The following ADAM12 variants were observed in gnomAD, a reference collection of about 807,000 sequenced individuals.
ADAM12 encodes the protein disintegrin and metalloproteinase domain-containing protein 12.
In ADAM12, 70 loss-of-function variants were observed where a neutral mutation model predicts 106.4. The observed-to-expected ratio is 0.66, with a 90% CI of 0.54 to 0.80. The LOEUF (loss-of-function observed/expected upper bound fraction) is 0.80, where lower values mean the gene tolerates loss of function less well. Among genes scored for constraint, ADAM12 ranks in the 30% least tolerant of loss-of-function variants. The pLI is 0.00. For missense variants in ADAM12, 1,010 were observed against 1,171.9 expected (o/e 0.86, Z 2.02); for synonymous variants, 420 against 433.5 (o/e 0.97, Z 0.39).
At position 126,014,309 on chromosome 10, in the gene ADAM12, GC is replaced by G. The variant is rs1349692195; in HGVS notation, c.*2969del. The stretch of plus-strand genomic sequence containing the variant: ...TTAAGAACATTTTGACACAGTTTTA[GC>G]CGGTTTTTTTTTTTTTTTTTTTTTT... On this transcript the variant is annotated 3_prime_UTR_variant, in exon 23 of 23. Coordinates refer to ENST00000448723, the MANE Select transcript of ADAM12 (RefSeq NM_001288973.2). 9.1e-6 allele frequency: 1 copy of G among 110,462 alleles called. No individual in the cohort carries two copies. Among genetic ancestry groups the G allele is most frequent in the African/African-American group, 3.4e-5 (1 of 29,276 alleles). The allele number at this position is 110,462 out of a possible 1,614,324, so 6.8% of individuals were successfully genotyped here.
At chr10:126,254,674 G>A (rs533292586) in intron 3 of ADAM12, among the ~76,000 whole-genome samples, 1 of 152,228 alleles carries the variant, frequency 6.6e-6, no homozygotes, top group Non-Finnish European at 1.5e-5. Context: ...CATCCATGGA[G>A]CCACCACCGT....
chr10:126,255,391 G>A lies in ADAM12; in HGVS notation c.260+23524C>T, dbSNP rs191544664. 3.2e-4 allele frequency among the ~76,000 whole-genome samples: 48 copies of A among 152,076 alleles called. No individual in the cohort carries two copies. The East Asian group carries it at 5.8e-3, about 18-fold the overall frequency. ...AGATGGTGTCCCGAGTCCAGCTCTC[G>A]TTCGCATTCAGTCCCAGCTTCCTCC... On this transcript the variant is annotated intron_variant, in intron 3 of 22. Transcript: ENST00000448723.
rs539476618 is a variant in ADAM12 at position 126,275,691 on chromosome 10, C to A, written c.260+3224G>T. Among the ~76,000 whole-genome samples, 120 of 152,252 alleles carry A rather than the reference C, an allele frequency of 7.9e-4. 1 individual carries two copies. Among genetic ancestry groups the A allele is most frequent in the African/African-American group, 2.8e-3 (116 of 41,558 alleles). ...GATATTTTTTGCTCTTTAAAAGTCA[C>A]CAGAGGCCTTCCAGAGGCCTCTCAA... On this transcript the variant is annotated intron_variant, in intron 3 of 22. Coordinates refer to ENST00000448723, the MANE Select transcript of ADAM12 (RefSeq NM_001288973.2).
At chr10:126,368,688 G>A (rs936336626) in intron 1 of ADAM12, among the ~76,000 whole-genome samples, 3 of 151,812 alleles carry the variant, frequency 2.0e-5, no homozygotes, top group Non-Finnish European at 4.4e-5. Context: ...GTTGCAGAAG[G>A]TGAGCTCTGT....
At chr10:126,342,064 T>C (rs555935115) in intron 1 of ADAM12, among the ~76,000 whole-genome samples, 440 of 152,318 alleles carry the variant, frequency 2.9e-3, no homozygotes, top group African/African-American at 0.01. Context: ...CTATGCCCCA[T>C]GCCCGACAGC....
At chr10:126,019,970 A>T in intron 21 of ADAM12, 145 bp from the exon 22 acceptor site, 1 of 1,003,740 alleles carries the variant, frequency 1.0e-6, no homozygotes, top group Non-Finnish European at 1.4e-6. Flanking sequence ...GACCTCTGTT[A>T]ATCTTCTTGC....
intron 3 of ADAM12, among the ~76,000 whole-genome samples, chr10:126,185,815 G>A (rs1590582061): frequency 6.6e-6 from 1 of 152,142 alleles, no homozygotes; most frequent in African/African-American, 2.4e-5. Context: ...TCAGGAAACA[G>A]ACCATCTCAA....
At chr10:126,116,269 G>T (rs1047055706) in intron 6 of ADAM12, among the ~76,000 whole-genome samples, 1 of 152,164 alleles carries the variant, frequency 6.6e-6, no homozygotes, top group Admixed American at 6.5e-5. Context: ...CGTGGGCAAC[G>T]TGCATTCAAC....
chr10:126,157,509 A>G lies in ADAM12; in HGVS notation c.261-2204T>C, dbSNP rs1956840727. 2.6e-5 allele frequency among the ~76,000 whole-genome samples: 4 copies of G among 152,226 alleles called. No homozygotes were observed. In the South Asian group the frequency reaches 6.2e-4, roughly 24 times the overall value. ...ACTGAGAGTCAGCTCCTTGTTTTAC[A>G]TGGATTGCAATATGTTGAGGATATG... On this transcript the variant is annotated intron_variant, in intron 3 of 22. Transcript: ENST00000448723.
Position 126,053,274 on chromosome 10 carries a change from A to T in ADAM12, c.1610-3605T>A, listed in dbSNP as rs1033548170. ...CCAATTAAACCTTTTTTCTTTATAA[A>T]TTACCCAGTCTCAGGTATTTATTTA... On this transcript the variant is annotated intron_variant, in intron 14 of 22. Transcript: ENST00000448723. The surrounding 1 kb of genome is among the most constrained non-coding windows in gnomAD (Gnocchi z 4.6). Among the ~76,000 whole-genome samples, 1 of 152,168 alleles carries T rather than the reference A, an allele frequency of 6.6e-6. No individual in the cohort carries two copies. Among genetic ancestry groups the T allele is most frequent in the Non-Finnish European group, 1.5e-5 (1 of 68,028 alleles).
At chr10:126,331,612 G>C (rs987468394) in intron 1 of ADAM12, among the ~76,000 whole-genome samples, 1 of 152,192 alleles carries the variant, frequency 6.6e-6, no homozygotes, top group South Asian at 2.1e-4. Flanking sequence ...GTCACAGAGT[G>C]TTTAAAACTC....
intron 4 of ADAM12, among the ~76,000 whole-genome samples, chr10:126,144,377 A>T (rs1424278023): frequency 2.6e-5 from 4 of 152,224 alleles, no homozygotes; most frequent in Non-Finnish European, 5.9e-5. Context: ...CATTGTTACA[A>T]ATCTGGAATA....
At chr10:126,084,765 T>C (rs1955303557) in intron 11 of ADAM12, among the ~76,000 whole-genome samples, 1 of 151,776 alleles carries the variant, frequency 6.6e-6, no homozygotes, top group South Asian at 2.1e-4. Flanking sequence ...CTCTCAACCC[T>C]CCCCATCCCC....
Position 126,064,623 on chromosome 10 carries a change from C to T in ADAM12, c.1609+183G>A. On this transcript the variant is annotated intron_variant, in intron 14 of 22. Transcript: ENST00000448723. The surrounding 1 kb of genome is among the most constrained non-coding windows in gnomAD (Gnocchi z 4.4). ...CAGGCAGTGTCCATTTCTGTGCACC[C>T]CATGCCCAGTGCGGCCTCAGACCCT... 1 of 640,124 alleles carries T rather than the reference C, an allele frequency of 1.6e-6. No homozygotes were observed. The highest frequency in any genetic ancestry group is 2.7e-6 in the Non-Finnish European group (1 of 376,434). The allele number at this position is 640,124 out of a possible 1,614,324, so 39.7% of individuals were successfully genotyped here.
At chr10:126,360,079 C>T (rs1359381255) in intron 1 of ADAM12, among the ~76,000 whole-genome samples, 5 of 152,214 alleles carry the variant, frequency 3.3e-5, no homozygotes, top group African/African-American at 1.2e-4. Flanking sequence ...ACCTTTTAGC[C>T]ATGGCTAGAG....
At chr10:126,349,621 T>C (rs1855277906) in intron 1 of ADAM12, among the ~76,000 whole-genome samples, 1 of 152,174 alleles carries the variant, frequency 6.6e-6, no homozygotes, top group Non-Finnish European at 1.5e-5. Context: ...AAAATAAACA[T>C]TTGCATAATT....
chr10:126,057,881 T>A (rs1954666452), intron 14 of ADAM12, among the ~76,000 whole-genome samples: 1 of 152,194 alleles, frequency 6.6e-6, no homozygotes, highest in African/African-American at 2.4e-5. Context: ...GAGAACATTT[T>A]CCCCATGGGA....
At chr10:126,195,816 A>G (rs138606793) in intron 3 of ADAM12, among the ~76,000 whole-genome samples, 27 of 151,496 alleles carry the variant, frequency 1.8e-4, no homozygotes, top group African/African-American at 6.3e-4. Context: ...TATATGATAA[A>G]CTTGGGAACT....
chr10:126,225,049 C>A (rs960832792), intron 3 of ADAM12, among the ~76,000 whole-genome samples: 1 of 152,216 alleles, frequency 6.6e-6, no homozygotes, highest in Non-Finnish European at 1.5e-5. Context: ...AAAGGGGGCA[C>A]CCCCGAAGAG....
Sources: allele counts gnomAD v4.1 joint callset (sites outside exome capture counted in the v4.1 genomes callset), GRCh38; gene constraint gnomAD v4.1.1; non-coding constraint Gnocchi (gnomAD v3.1); transcripts MANE v1.5; gene names NCBI Gene and HGNC (gene_info 2026-07-23, HGNC 2026-07-21).